MSRA: variants seen among roughly 807,000 people sequenced by gnomAD.
MSRA encodes methionine sulfoxide reductase A.
A neutral mutation model predicts 31.3 loss-of-function variants in MSRA; 54 were observed. The ratio of observed to expected loss-of-function variants is 1.73; its 90% CI spans 1.39 to 2.17. The LOEUF (loss-of-function observed/expected upper bound fraction) is 2.17. Ranked by LOEUF, MSRA falls within the 30% of genes most tolerant of loss-of-function variation. The pLI is 0.00. For missense variants in MSRA, 507 were observed against 300.9 expected, an observed-to-expected ratio of 1.69 and a Z score of -5.07; for synonymous variants, 169 against 116.5, an observed-to-expected ratio of 1.45 and a Z score of -2.90.
chr8:10,064,220 T>C (rs1040061890), intron 1 of MSRA, among the ~76,000 whole-genome samples: 1 of 152,192 alleles, frequency 6.6e-6, no homozygotes, highest in Non-Finnish European at 1.5e-5. Context: ...CTCCGTTCAG[T>C]GAGATACTCG....
chr8:10,207,048 C>CTA (rs1809052999), intron 1 of MSRA, among the ~76,000 whole-genome samples: 1 of 152,204 alleles, frequency 6.6e-6, no homozygotes, highest in Non-Finnish European at 1.5e-5. Flanking sequence ...CACATAAGTG[C>CTA]TCCTATTCAA....
chr8:10,213,194 C>T (rs997515117), intron 2 of MSRA, among the ~76,000 whole-genome samples: 1 of 152,166 alleles, frequency 6.6e-6, no homozygotes, highest in Non-Finnish European at 1.5e-5. Context: ...TGTACCCCTA[C>T]TACCTACCCT....
intron 1 of MSRA, among the ~76,000 whole-genome samples, chr8:10,135,026 GACCTCA>G (rs1802169891): frequency 6.6e-6 from 1 of 152,194 alleles, no homozygotes; most frequent in Non-Finnish European, 1.5e-5. Context: ...TGTAATATCT[GACCTCA>G]GCTTTACTTT....
chr8:10,319,843 C>G (rs367847894), intron 4 of MSRA, 40 bp from the exon 5 acceptor site: 1 of 1,308,652 alleles, frequency 7.6e-7, no homozygotes, highest in South Asian at 1.8e-5. Context: ...GCACTGTCGC[C>G]TAGTGACCGG....
intron 5 of MSRA, among the ~76,000 whole-genome samples, chr8:10,398,323 T>C (rs1807230444): frequency 6.6e-6 from 1 of 152,210 alleles, no homozygotes; most frequent in Non-Finnish European, 1.5e-5. Context: ...TCTGCCTTTA[T>C]GTAATTCCAC....
intron 4 of MSRA, among the ~76,000 whole-genome samples, chr8:10,303,103 A>T (rs949285648): frequency 1.3e-5 from 2 of 152,202 alleles, no homozygotes; most frequent in African/African-American, 4.8e-5. Flanking sequence ...GAGGAAGATG[A>T]TAAGAGCTCC....
intron 1 of MSRA, among the ~76,000 whole-genome samples, chr8:10,160,654 C>G (rs528115551): frequency 6.6e-6 from 1 of 152,014 alleles, no homozygotes; most frequent in Non-Finnish European, 1.5e-5. Flanking sequence ...CTCAGCCTCC[C>G]GAGTAGCTGG....
chr8:10,368,282 C>A (rs893065233), intron 5 of MSRA, among the ~76,000 whole-genome samples: 1 of 152,206 alleles, frequency 6.6e-6, no homozygotes, highest in South Asian at 2.1e-4. Context: ...TAAGGCCTCC[C>A]CCTGCCCAGC....
chr8:10,405,043 G>C (rs1028161238), intron 5 of MSRA, among the ~76,000 whole-genome samples: 20 of 152,308 alleles, frequency 1.3e-4, no homozygotes, highest in African/African-American at 4.3e-4. Flanking sequence ...CTGTTTCCCG[G>C]AGTGTGGTCT....
intron 1 of MSRA, among the ~76,000 whole-genome samples, chr8:10,121,983 T>C (rs984509730): frequency 6.6e-6 from 1 of 152,082 alleles, no homozygotes; most frequent in Admixed American, 6.5e-5. Context: ...GTAAATGTTT[T>C]GTAGGACTTT....
chr8:10,162,082 G>A (rs1037658321), intron 1 of MSRA, among the ~76,000 whole-genome samples: 5 of 152,154 alleles, frequency 3.3e-5, no homozygotes, highest in Non-Finnish European at 7.4e-5. Context: ...AAGCAGGGCC[G>A]TAGGAATTCC....
At chr8:10,240,659 T>C (rs1266973085) in intron 2 of MSRA, among the ~76,000 whole-genome samples, 2 of 152,198 alleles carry the variant, frequency 1.3e-5, no homozygotes, top group Non-Finnish European at 2.9e-5. Context: ...CTGCTGCCCT[T>C]GAGTCCACAG....
chr8:10,221,232 A>G (rs1810464181), intron 2 of MSRA, among the ~76,000 whole-genome samples: 1 of 152,198 alleles, frequency 6.6e-6, no homozygotes, highest in Admixed American at 6.5e-5. Context: ...AGACATCTGC[A>G]CCAACTGAAT....
At chr8:10,406,948 G>C (rs1382991609) in intron 5 of MSRA, among the ~76,000 whole-genome samples, 1 of 152,162 alleles carries the variant, frequency 6.6e-6, no homozygotes, top group African/African-American at 2.4e-5. Flanking sequence ...GATCTTCTGG[G>C]CTCCCTGTGG....
At chr8:10,224,810 C>G (rs1184400372) in intron 2 of MSRA, among the ~76,000 whole-genome samples, 6 of 152,206 alleles carry the variant, frequency 3.9e-5, no homozygotes, top group African/African-American at 1.4e-4. Flanking sequence ...ATGTAAGGTT[C>G]TGCAGAACCT....
chr8:10,354,415 G>T (rs1218615084), intron 5 of MSRA, among the ~76,000 whole-genome samples: 3 of 152,162 alleles, frequency 2.0e-5, no homozygotes, highest in Admixed American at 1.3e-4. Flanking sequence ...AGTTTCTAAG[G>T]AGCTTTCTGG....
At chr8:10,115,062 G>C (rs1800579261) in intron 1 of MSRA, among the ~76,000 whole-genome samples, 1 of 152,202 alleles carries the variant, frequency 6.6e-6, no homozygotes, top group Admixed American at 6.5e-5. Context: ...TGGAACAAAA[G>C]AGAAGTCCCA....
chr8:10,072,652 C>G (rs982810843), intron 1 of MSRA, among the ~76,000 whole-genome samples: 1 of 152,164 alleles, frequency 6.6e-6, no homozygotes, highest in Admixed American at 6.5e-5. Context: ...ACAGAAAAAC[C>G]TTGCTAGGAT....
intron 1 of MSRA, among the ~76,000 whole-genome samples, chr8:10,172,351 G>T (rs2129046806): frequency 6.6e-6 from 1 of 152,282 alleles, no homozygotes; most frequent in Non-Finnish European, 1.5e-5. Context: ...CAGAAAAGAT[G>T]GGACTGGTAG....
Sources: gnomAD v4.1 joint callset for allele counts (sites outside exome capture counted in the v4.1 genomes callset) on GRCh38, gnomAD v4.1.1 for gene constraint, MANE v1.5 for transcripts, NCBI Gene and HGNC (gene_info 2026-07-23, HGNC 2026-07-21) for gene names.